Variants in SLC24A2 observed in about 807,000 individuals in gnomAD.
SLC24A2 encodes the protein solute carrier family 24 member 2.
SLC24A2 carries 36 observed loss-of-function variants against 62.0 expected under a neutral mutation model. The observed-to-expected ratio is 0.58, with a 90% CI of 0.44 to 0.77. The LOEUF (loss-of-function observed/expected upper bound fraction) is 0.77. Ranked by LOEUF, SLC24A2 falls within the 30% of genes least tolerant of loss-of-function variation. SLC24A2 has a pLI of 0.00. For synonymous variants in SLC24A2, 358 were observed against 294.0 expected (o/e 1.22, Z -2.23); for missense variants, 846 against 817.9 (o/e 1.03, Z -0.42).
At chr9:19,713,474 G>C (rs1456491181) in intron 2 of SLC24A2, among the ~76,000 whole-genome samples, 1 of 152,084 alleles carries the variant, frequency 6.6e-6, no homozygotes, top group Non-Finnish European at 1.5e-5. Context: ...AAATGTATTT[G>C]TCAACCACTT....
the SLC24A2 span, among the ~76,000 whole-genome samples, chr9:20,128,562 G>T: frequency 6.6e-6 from 1 of 152,084 alleles, no homozygotes. Flanking sequence ...AGGGAGCCCA[G>T]AATTTTCAAA....
chr9:20,120,248 T>C, the SLC24A2 span, among the ~76,000 whole-genome samples: 1 of 152,154 alleles, frequency 6.6e-6, no homozygotes, highest in Admixed American at 6.6e-5. Context: ...AGAAATTTCC[T>C]ATGCCCTATT....
At chr9:20,226,586 T>C in the SLC24A2 span, among the ~76,000 whole-genome samples, 1 of 152,118 alleles carries the variant, frequency 6.6e-6, no homozygotes, top group Non-Finnish European at 1.5e-5. Context: ...TTTCCTTTCT[T>C]TGGGGCTCCC....
At chr9:20,272,541 T>C in the SLC24A2 span, among the ~76,000 whole-genome samples, 1 of 152,168 alleles carries the variant, frequency 6.6e-6, no homozygotes, top group African/African-American at 2.4e-5. Context: ...TGAGATGATT[T>C]TGTAATAAGG....
rs560735865 is a variant in SLC24A2 at position 19,631,846 on chromosome 9, G to A, written c.931-9547C>T. Among the ~76,000 whole-genome samples, 3 of 152,258 alleles carry A rather than the reference G, an allele frequency of 2.0e-5. No homozygotes were observed. The South Asian group carries it at 6.2e-4, about 32-fold the overall frequency. On this transcript the variant is annotated intron_variant, in intron 2 of 10. Transcript: ENST00000341998. ...CCTGTGCCCAGACACTGCTGTACGG[G>A]TCCTTTAACCTGAGAGAGCCAGTCT...
Position 19,515,220 on chromosome 9 carries a change from A to T in SLC24A2, c.*933T>A, listed in dbSNP as rs541731736. 1.3e-5 allele frequency: 2 copies of T among 152,240 alleles called. No homozygotes were observed. The highest frequency in any genetic ancestry group is 4.8e-5 in the African/African-American group (2 of 41,546). 9.4% of individuals were successfully genotyped at this position (152,240 alleles called of 1,614,324 possible). A position where few individuals can be genotyped will look rare whatever the true frequency, so the allele number is the denominator to read the frequency against. ...AATTTGGTTTGTAGTCATATTTTCT[A>T]CTTGCATGCTGGGACAATATAAGAA... On this transcript the variant is annotated 3_prime_UTR_variant, in exon 11 of 11. Coordinates refer to ENST00000341998, the MANE Select transcript of SLC24A2 (RefSeq NM_020344.4).
the SLC24A2 span, among the ~76,000 whole-genome samples, chr9:19,938,135 G>C: frequency 1.4e-4 from 22 of 152,130 alleles, no homozygotes; most frequent in African/African-American, 5.3e-4. Context: ...TTTAATACCA[G>C]TGTCTGTCTT....
intron 2 of SLC24A2, among the ~76,000 whole-genome samples, chr9:19,654,637 AC>A (rs1818893340): frequency 6.6e-6 from 1 of 152,126 alleles, no homozygotes; most frequent in South Asian, 2.1e-4. Flanking sequence ...GGAATCTTGC[AC>A]CAGCTGGTAA....
At chr9:19,823,705 T>A in the SLC24A2 span, among the ~76,000 whole-genome samples, 4 of 151,936 alleles carry the variant, frequency 2.6e-5, no homozygotes, top group South Asian at 4.2e-4. Context: ...GCTGAGCCCA[T>A]ATAGCCAACA....
At chr9:19,535,120 C>T (rs917033469) in intron 8 of SLC24A2, among the ~76,000 whole-genome samples, 2 of 151,912 alleles carry the variant, frequency 1.3e-5, no homozygotes, top group African/African-American at 4.8e-5. Context: ...TGATGATGAG[C>T]TTTTTTTTCA....
At chr9:19,800,909 G>A in the SLC24A2 span, among the ~76,000 whole-genome samples, 2 of 152,160 alleles carry the variant, frequency 1.3e-5, no homozygotes, top group African/African-American at 4.8e-5. Flanking sequence ...AGTCTTCTCT[G>A]CTGATGTTCT....
the SLC24A2 span, among the ~76,000 whole-genome samples, chr9:19,865,801 G>T: frequency 6.6e-6 from 1 of 152,074 alleles, no homozygotes; most frequent in African/African-American, 2.4e-5. Flanking sequence ...AACATTTTTT[G>T]AATAATACCC....
At chr9:19,578,780 A>C (rs1586989605) in intron 5 of SLC24A2, among the ~76,000 whole-genome samples, 1 of 152,180 alleles carries the variant, frequency 6.6e-6, no homozygotes, top group Non-Finnish European at 1.5e-5. Flanking sequence ...CAGCACCTGT[A>C]AACTAGAGTC....
At chr9:19,589,953 G>C (rs949576875) in intron 5 of SLC24A2, among the ~76,000 whole-genome samples, 3 of 152,122 alleles carry the variant, frequency 2.0e-5, no homozygotes, top group African/African-American at 7.2e-5. Flanking sequence ...ACTCCCTTCT[G>C]AGGCAGGCCA....
Position 19,545,065 on chromosome 9 carries a change from A to G in SLC24A2, c.1479+5072T>C, listed in dbSNP as rs530225302. On this transcript the variant is annotated intron_variant, in intron 8 of 10. Transcript: ENST00000341998. Reference sequence around the variant, plus strand: ...CTCTCCATCACTTTCAGGTACACCAATCAGAGGTGGATTTGATCTTTTCAC... The same window carrying G: ...CTCTCCATCACTTTCAGGTACACCAGTCAGAGGTGGATTTGATCTTTTCAC... Among the ~76,000 whole-genome samples, 54 of 152,274 alleles carry G rather than the reference A, an allele frequency of 3.5e-4. No individual in the cohort carries two copies. The East Asian group carries it at 9.9e-3, about 28-fold the overall frequency.
the SLC24A2 span, among the ~76,000 whole-genome samples, chr9:20,161,805 T>A: frequency 6.6e-6 from 1 of 150,612 alleles, no homozygotes; most frequent in East Asian, 2.0e-4. Flanking sequence ...ACCACACACA[T>A]ATCTATGTAT....
At chr9:19,947,811 A>AGAAAGAAAGAAAGAAG in the SLC24A2 span, among the ~76,000 whole-genome samples, 1 of 93,972 alleles carries the variant, frequency 1.1e-5, no homozygotes, top group Admixed American at 1.3e-4. Context: ...AAAAAAAAAA[A>AGAAAGAAAGAAAGAAG]GAAAGAAAGA....
chr9:19,752,673 C>T (rs536467037), intron 2 of SLC24A2, among the ~76,000 whole-genome samples: 5 of 150,360 alleles, frequency 3.3e-5, no homozygotes, highest in African/African-American at 9.8e-5. Context: ...AAAGAGTCTG[C>T]ATTAACAATA....
the SLC24A2 span, among the ~76,000 whole-genome samples, chr9:20,009,174 A>C: frequency 6.6e-6 from 1 of 152,146 alleles, no homozygotes; most frequent in Non-Finnish European, 1.5e-5. Context: ...ACCCTGTGAA[A>C]GAGGCTCACT....
Sources: allele counts gnomAD v4.1 joint callset (sites outside exome capture counted in the v4.1 genomes callset), GRCh38; gene constraint gnomAD v4.1.1; transcripts MANE v1.5; gene names NCBI Gene and HGNC (gene_info 2026-07-23, HGNC 2026-07-21).